CORO1C: variants seen among roughly 807,000 people sequenced by gnomAD.
The protein encoded by CORO1C is coronin-1C.
A neutral mutation model predicts 51.2 loss-of-function variants in CORO1C; 14 were observed. That is an observed-to-expected ratio of 0.27 (90% CI 0.18 to 0.43). The LOEUF is 0.43. Ranked by LOEUF, CORO1C falls within the 20% of genes least tolerant of loss-of-function variation. The probability of loss-of-function intolerance (pLI) is 1.00; values close to 1 mark genes in which losing one functional copy is unlikely to be tolerated. For missense variants in CORO1C, 417 were observed against 607.8 expected (o/e 0.69, Z 3.30); for synonymous variants, 181 against 210.5 (o/e 0.86, Z 1.21).
At chr12:108,689,638 C>T (rs2034427887) in intron 2 of CORO1C, among the ~76,000 whole-genome samples, 2 of 152,180 alleles carry the variant, frequency 1.3e-5, no homozygotes, top group Non-Finnish European at 2.9e-5. Context: ...GATGTAAGGG[C>T]CTAAGAGCCC....
chr12:108,699,909 T>TTA (rs1231786222), intron 2 of CORO1C, among the ~76,000 whole-genome samples: 4 of 152,220 alleles, frequency 2.6e-5, no homozygotes, highest in Admixed American at 2.0e-4. Flanking sequence ...TTCTACTGTG[T>TTA]TATCTATCTG....
At chr12:108,706,746 G>A (rs151287196) in intron 1 of CORO1C, among the ~76,000 whole-genome samples, 5,354 of 152,214 alleles carry the variant, frequency 0.035, 108 homozygotes, top group South Asian at 0.055. Flanking sequence ...ACTGCACCCA[G>A]CTAATTTTTG....
At chr12:108,722,598 G>C (rs7974616) in intron 1 of CORO1C, among the ~76,000 whole-genome samples, 1 of 152,158 alleles carries the variant, frequency 6.6e-6, no homozygotes, top group Admixed American at 6.5e-5. Context: ...GGCTGGGAAC[G>C]TACCCACCAC....
chr12:108,718,302 A>T (rs907366163), intron 1 of CORO1C, among the ~76,000 whole-genome samples: 1 of 151,426 alleles, frequency 6.6e-6, no homozygotes, highest in African/African-American at 2.4e-5. Context: ...TGGGAGGCGG[A>T]GCTTGCAGTG....
At chr12:108,722,198 G>C (rs573552754) in intron 1 of CORO1C, among the ~76,000 whole-genome samples, 1 of 152,224 alleles carries the variant, frequency 6.6e-6, no homozygotes, top group South Asian at 2.1e-4. Flanking sequence ...CCTCTAAAAG[G>C]GTTAAAGAAC....
At chr12:108,667,473 T>A (rs1205657385) in intron 3 of CORO1C, among the ~76,000 whole-genome samples, 1 of 152,194 alleles carries the variant, frequency 6.6e-6, no homozygotes. Flanking sequence ...AGAGTACAAG[T>A]TATCCCTACT....
At chr12:108,666,180 C>T (rs747553141) in intron 3 of CORO1C, among the ~76,000 whole-genome samples, 1 of 152,164 alleles carries the variant, frequency 6.6e-6, no homozygotes, top group Non-Finnish European at 1.5e-5. Context: ...AAATAAAACA[C>T]GCAGATGTGT....
intron 1 of CORO1C, among the ~76,000 whole-genome samples, chr12:108,720,428 G>A (rs1041066811): frequency 1.3e-5 from 2 of 152,114 alleles, no homozygotes; most frequent in East Asian, 1.9e-4. Flanking sequence ...GAATGTGTAT[G>A]TATATCTGTG....
At chr12:108,684,598 T>C (rs905245236) in intron 2 of CORO1C, among the ~76,000 whole-genome samples, 5 of 152,326 alleles carry the variant, frequency 3.3e-5, no homozygotes, top group African/African-American at 1.2e-4. Context: ...GATAAACATA[T>C]ATGTAATAAA....
In CORO1C at chr12:108,663,542, C is replaced by T. The variant is rs1365573469; in HGVS notation, c.319-1384G>A. Among the ~76,000 whole-genome samples, 6 of 152,166 alleles carry T rather than the reference C, an allele frequency of 3.9e-5. No individual in the cohort carries two copies. The East Asian group carries it at 1.2e-3, about 29-fold the overall frequency. On this transcript the variant is annotated intron_variant, in intron 3 of 10. Transcript: ENST00000261401. ...TGATACATGCTACAACATGAGCAAA[C>T]TCTAAAAACATTATGCAAAGTGAAA...
chr12:108,707,229 G>A (rs1489311621), intron 1 of CORO1C, among the ~76,000 whole-genome samples: 4 of 152,090 alleles, frequency 2.6e-5, no homozygotes, highest in Non-Finnish European at 5.9e-5. Context: ...AAATGACCCT[G>A]GGGAGAAAAA....
At chr12:108,715,787 C>T (rs1402537424) in intron 1 of CORO1C, among the ~76,000 whole-genome samples, 1 of 152,036 alleles carries the variant, frequency 6.6e-6, no homozygotes, top group African/African-American at 2.4e-5. Flanking sequence ...AGAGGTCTCA[C>T]ACCAACCGCA....
chr12:108,659,058 G>A (rs1483153731), intron 4 of CORO1C, 139 bp from the exon 5 acceptor site: 9 of 897,508 alleles, frequency 1.0e-5, no homozygotes, highest in Middle Eastern at 6.2e-4. Context: ...GAAAAGATGC[G>A]GCTGATTGTC....
At chr12:108,711,821 A>AT (rs1429479781) in intron 1 of CORO1C, among the ~76,000 whole-genome samples, 2 of 152,248 alleles carry the variant, frequency 1.3e-5, no homozygotes, top group Non-Finnish European at 1.5e-5. Context: ...TAAATGTTAC[A>AT]TTTTCTCTAT....
At chr12:108,702,023 A>C (rs2034886371) in intron 1 of CORO1C, 1 of 152,774 alleles carries the variant, frequency 6.5e-6, no homozygotes, top group African/African-American at 2.4e-5. Flanking sequence ...GTCAGCCTAA[A>C]GCAGCCTAAC....
At chr12:108,654,525 G>C (rs942492122) in intron 6 of CORO1C, 115 bp from the exon 7 acceptor site, 117 of 568,662 alleles carry the variant, frequency 2.1e-4, no homozygotes, top group African/African-American at 1.9e-3. Context: ...CATTTTCCTA[G>C]AATAACAGAA....
chr12:108,698,607 A>G (rs1444241305), intron 2 of CORO1C, among the ~76,000 whole-genome samples: 1 of 152,208 alleles, frequency 6.6e-6, no homozygotes, highest in African/African-American at 2.4e-5. Flanking sequence ...AGGTTTCACC[A>G]CGTTGTCCAG....
At chr12:108,685,921 C>T (rs1291407351) in intron 2 of CORO1C, among the ~76,000 whole-genome samples, 1 of 152,198 alleles carries the variant, frequency 6.6e-6, no homozygotes, top group African/African-American at 2.4e-5. Context: ...AGCTATCCTG[C>T]TTTCAAGGGC....
intron 9 of CORO1C, 43 bp downstream of exon 9, chr12:108,648,920 C>T: frequency 6.2e-7 from 1 of 1,610,686 alleles, no homozygotes; most frequent in South Asian, 1.1e-5. Context: ...TTTATTTTTA[C>T]ATTTGTTTAA....
Sources: gnomAD v4.1 joint callset for allele counts (sites outside exome capture counted in the v4.1 genomes callset) on GRCh38, gnomAD v4.1.1 for gene constraint, MANE v1.5 for transcripts, NCBI Gene and HGNC (gene_info 2026-07-23, HGNC 2026-07-21) for gene names.